The following LRP1B variants were observed in gnomAD, a reference collection of about 807,000 sequenced individuals.
LRP1B encodes the protein LDL receptor related protein 1B.
In LRP1B, 217 loss-of-function variants were observed where a neutral mutation model predicts 556.6. The ratio of observed to expected loss-of-function variants is 0.39; its 90% confidence interval spans 0.35 to 0.44. The LOEUF (loss-of-function observed/expected upper bound fraction) is 0.44. Among genes scored for constraint, LRP1B ranks in the 20% least tolerant of loss-of-function variants. LRP1B has a pLI of 1.00. For synonymous variants in LRP1B, 2,047 were observed against 1,865.8 expected, an observed-to-expected ratio of 1.10 and a Z score of -2.50; for missense variants, 5,053 against 5,620.8, an observed-to-expected ratio of 0.90 and a Z score of 3.23.
At chr2:141,707,182 G>A (rs1440869982) in intron 2 of LRP1B, among the ~76,000 whole-genome samples, 2 of 151,972 alleles carry the variant, frequency 1.3e-5, no homozygotes, top group Admixed American at 6.6e-5. Flanking sequence ...AATGTGTGAC[G>A]GTTTTGTTTC....
chr2:140,596,943 G>T (rs1330323844), intron 43 of LRP1B, among the ~76,000 whole-genome samples: 1 of 152,140 alleles, frequency 6.6e-6, no homozygotes. Context: ...AGGGCGATTA[G>T]TAAATTGATA....
chr2:141,000,055 C>G (rs572903710), intron 15 of LRP1B, among the ~76,000 whole-genome samples: 1 of 151,900 alleles, frequency 6.6e-6, no homozygotes, highest in African/African-American at 2.4e-5. Context: ...CTTGGGTCTA[C>G]AAGCGTGCAC....
At chr2:140,375,885 GTTT>G (rs922395718) in intron 68 of LRP1B, among the ~76,000 whole-genome samples, 7 of 151,790 alleles carry the variant, frequency 4.6e-5, no homozygotes, top group Non-Finnish European at 7.4e-5. Context: ...CTTCTTTGTT[GTTT>G]TGTTATTAAC....
intron 3 of LRP1B, among the ~76,000 whole-genome samples, chr2:141,267,658 A>G (rs751112504): frequency 2.0e-4 from 27 of 135,740 alleles, no homozygotes; most frequent in Non-Finnish European, 3.7e-4. Context: ...TGCGTGAGGA[A>G]AAAATGCAAC....
intron 35 of LRP1B, among the ~76,000 whole-genome samples, chr2:140,760,224 T>C (rs1688867709): frequency 6.6e-6 from 1 of 152,128 alleles, no homozygotes. Context: ...TAAAATAATC[T>C]TAGATTTTGC....
intron 43 of LRP1B, among the ~76,000 whole-genome samples, chr2:140,553,036 C>T (rs1680602114): frequency 6.6e-6 from 1 of 151,936 alleles, no homozygotes; most frequent in South Asian, 2.1e-4. Flanking sequence ...TTTCCAACAC[C>T]CAGATGCTAA....
At chr2:142,031,323 TATAC>T (rs1475037797) in intron 1 of LRP1B, among the ~76,000 whole-genome samples, 3 of 104,496 alleles carry the variant, frequency 2.9e-5, no homozygotes, top group Admixed American at 2.3e-4. Context: ...AAAGGTTGAT[TATAC>T]TTATTTTTTT....
intron 1 of LRP1B, among the ~76,000 whole-genome samples, chr2:142,115,853 T>TATATGTA (rs1559080706): frequency 4.1e-4 from 1 of 2,428 alleles, no homozygotes; most frequent in African/African-American, 1.2e-3. Context: ...TATATATATA[T>TATATGTA]ACATATATAT....
Position 140,236,098 on chromosome 2 carries a change from T to G in LRP1B, c.13561-1214A>C, listed in dbSNP as rs148459695. Among the ~76,000 whole-genome samples, 662 of 151,116 alleles carry G rather than the reference T, an allele frequency of 4.4e-3. 5 individuals are homozygous for G. The highest frequency in any genetic ancestry group is 0.015 in the African/African-American group (614 of 41,420). On this transcript the variant is annotated intron_variant, in intron 89 of 90. Transcript: ENST00000389484. ...GAGTGAATTTTAATAACTATAAAAT[T>G]ATGTCTAATTAGAAAAATATAATAT...
chr2:141,405,876 T>C (rs13021747), intron 3 of LRP1B, among the ~76,000 whole-genome samples: 27,940 of 152,034 alleles, frequency 0.18, 3,829 homozygotes, highest in African/African-American at 0.39. Context: ...GTATTTAGTA[T>C]GGCTGATGTT....
At chr2:141,308,248 C>A (rs1187425776) in intron 3 of LRP1B, among the ~76,000 whole-genome samples, 2 of 151,954 alleles carry the variant, frequency 1.3e-5, no homozygotes, top group Non-Finnish European at 2.9e-5. Flanking sequence ...GAGAATAAAG[C>A]CAATATAGAA....
At chr2:142,007,386 G>C (rs1702834385) in intron 1 of LRP1B, among the ~76,000 whole-genome samples, 1 of 152,076 alleles carries the variant, frequency 6.6e-6, no homozygotes, top group African/African-American at 2.4e-5. Flanking sequence ...ATGTTCACTT[G>C]ATAATAAAAT....
intron 3 of LRP1B, among the ~76,000 whole-genome samples, chr2:141,318,270 GT>G (rs1381827285): frequency 6.6e-6 from 1 of 152,104 alleles, no homozygotes; most frequent in African/African-American, 2.4e-5. Flanking sequence ...CTCTGAAAAT[GT>G]GCTATGGATA....
At chr2:140,567,803 T>C (rs1394545708) in intron 43 of LRP1B, among the ~76,000 whole-genome samples, 1 of 152,166 alleles carries the variant, frequency 6.6e-6, no homozygotes, top group African/African-American at 2.4e-5. Context: ...CAACATATGC[T>C]ACCTCTGCTG....
intron 7 of LRP1B, among the ~76,000 whole-genome samples, chr2:141,115,458 G>GTTTTTTTTTTTTTTTTT (rs70991138): frequency 5.0e-5 from 6 of 120,402 alleles, no homozygotes; most frequent in Middle Eastern, 5.4e-3. Context: ...TTTTGTTTTT[G>GTTTTTTTTTTTTTTTTT]TTTTTTTTTT....
chr2:141,601,306 TCTC>T (rs777208545), intron 2 of LRP1B, among the ~76,000 whole-genome samples: 105 of 152,204 alleles, frequency 6.9e-4, no homozygotes, highest in Middle Eastern at 3.4e-3. Context: ...TGCTACATCT[TCTC>T]CTGGCAGATT....
intron 20 of LRP1B, among the ~76,000 whole-genome samples, chr2:140,949,003 A>G (rs1019207795): frequency 6.6e-6 from 1 of 152,212 alleles, no homozygotes; most frequent in African/African-American, 2.4e-5. Context: ...AAAACAATTT[A>G]GACACTGTCT....
At chr2:141,832,228 T>G (rs1446363809) in intron 1 of LRP1B, among the ~76,000 whole-genome samples, 1 of 151,448 alleles carries the variant, frequency 6.6e-6, no homozygotes, top group Non-Finnish European at 1.5e-5. Context: ...AACTGATCCA[T>G]TTGTACAATT....
At chr2:141,822,661 C>A (rs895211098) in intron 1 of LRP1B, among the ~76,000 whole-genome samples, 3 of 152,114 alleles carry the variant, frequency 2.0e-5, no homozygotes, top group African/African-American at 7.2e-5. Context: ...TCAAAGACTA[C>A]AATTGTTTTT....
Sources: gnomAD v4.1 joint callset for allele counts (sites outside exome capture counted in the v4.1 genomes callset) on GRCh38, gnomAD v4.1.1 for gene constraint, MANE v1.5 for transcripts, NCBI Gene and HGNC (gene_info 2026-07-23, HGNC 2026-07-21) for gene names.